JARID2: variants seen among roughly 807,000 people sequenced by gnomAD.
The protein encoded by JARID2 is jumonji and AT-rich interaction domain containing 2, also known as protein Jumonji.
Under a neutral mutation model 125.6 loss-of-function variants are expected in JARID2, and 21 were observed. The ratio of observed to expected loss-of-function variants is 0.17; its 90% CI spans 0.12 to 0.24. The LOEUF is 0.24. Among genes scored for constraint, JARID2 ranks in the 10% least tolerant of loss-of-function variants. The pLI, the probability that JARID2 is intolerant of heterozygous loss-of-function variation, is 1.00. For missense variants in JARID2, 1,303 were observed against 1,639.6 expected (o/e 0.79, Z 3.55); for synonymous variants, 736 against 661.6 (o/e 1.11, Z -1.73).
chr6:15,294,354 G>C (rs750074206), intron 1 of JARID2, among the ~76,000 whole-genome samples: 2 of 152,178 alleles, frequency 1.3e-5, no homozygotes, highest in Admixed American at 1.3e-4. Flanking sequence ...CAGCACACCC[G>C]GCTAATTTTT....
chr6:15,426,314 A>T (rs1303124172), intron 3 of JARID2, among the ~76,000 whole-genome samples: 1 of 152,186 alleles, frequency 6.6e-6, no homozygotes, highest in East Asian at 1.9e-4. Context: ...GATGGACTTC[A>T]CAAGCTGGCT....
intron 1 of JARID2, among the ~76,000 whole-genome samples, chr6:15,273,871 G>A (rs935866598): frequency 3.3e-5 from 5 of 151,692 alleles, no homozygotes; most frequent in Non-Finnish European, 7.4e-5. Flanking sequence ...ACTCACTGAA[G>A]AACATACTGC....
At chr6:15,502,957 A>C (rs1240575536) in intron 8 of JARID2, among the ~76,000 whole-genome samples, 1 of 152,258 alleles carries the variant, frequency 6.6e-6, no homozygotes, top group Non-Finnish European at 1.5e-5. Flanking sequence ...CTGTGACTGA[A>C]TAGCCAACTG....
chr6:15,364,303 A>G (rs1282698319), intron 1 of JARID2, among the ~76,000 whole-genome samples: 1 of 152,174 alleles, frequency 6.6e-6, no homozygotes, highest in African/African-American at 2.4e-5. Context: ...GAATCAAATC[A>G]AGCCTGTTTT....
At chr6:15,460,680 T>TTTGTTG (rs150851411) in intron 4 of JARID2, among the ~76,000 whole-genome samples, 11 of 150,982 alleles carry the variant, frequency 7.3e-5, no homozygotes, top group South Asian at 4.2e-4. Flanking sequence ...GAATGCTCAT[T>TTTGTTG]TTGTTGTTGT....
At chr6:15,256,222 A>G (rs1182818385) in intron 1 of JARID2, among the ~76,000 whole-genome samples, 1 of 152,210 alleles carries the variant, frequency 6.6e-6, no homozygotes, top group Non-Finnish European at 1.5e-5. Flanking sequence ...GAATCAAATG[A>G]ATTCTGCACT....
intron 3 of JARID2, among the ~76,000 whole-genome samples, chr6:15,414,959 C>A (rs553243598): frequency 2.0e-4 from 30 of 152,184 alleles, no homozygotes; most frequent in African/African-American, 6.0e-4. Context: ...GAGGACCCTG[C>A]GGCTTTCCGC....
At chr6:15,483,664 G>A (rs1449595683) in intron 5 of JARID2, among the ~76,000 whole-genome samples, 6 of 151,924 alleles carry the variant, frequency 3.9e-5, no homozygotes, top group Non-Finnish European at 7.4e-5. Context: ...TTGGATCTTC[G>A]GTGATTTCCC....
At chr6:15,470,698 T>TA (rs1489430474) in intron 5 of JARID2, among the ~76,000 whole-genome samples, 1 of 120,212 alleles carries the variant, frequency 8.3e-6, no homozygotes, top group Non-Finnish European at 1.7e-5. Flanking sequence ...AAAAGGTTGT[T>TA]ACCTGCAGCT....
chr6:15,333,934 A>G (rs1451638597), intron 1 of JARID2, among the ~76,000 whole-genome samples: 1 of 152,212 alleles, frequency 6.6e-6, no homozygotes, highest in Non-Finnish European at 1.5e-5. Flanking sequence ...GTTCTGGAGA[A>G]TAGAAGGGTG....
At chr6:15,475,026 G>A (rs1213036649) in intron 5 of JARID2, among the ~76,000 whole-genome samples, 4 of 152,180 alleles carry the variant, frequency 2.6e-5, no homozygotes, top group African/African-American at 2.4e-5. Flanking sequence ...ATCACCTAGA[G>A]CTTTGTTTTC....
intron 5 of JARID2, among the ~76,000 whole-genome samples, chr6:15,476,039 C>G (rs1769327248): frequency 6.6e-6 from 1 of 152,160 alleles, no homozygotes; most frequent in Non-Finnish European, 1.5e-5. Flanking sequence ...CAGATTTGTG[C>G]TTTTCCCTAT....
At chr6:15,481,701 G>A (rs993173180) in intron 5 of JARID2, among the ~76,000 whole-genome samples, 6 of 152,086 alleles carry the variant, frequency 3.9e-5, no homozygotes, top group African/African-American at 1.4e-4. Context: ...TGGGTATATC[G>A]CTGCTCTAAA....
At chr6:15,350,791 C>G (rs900269488) in intron 1 of JARID2, among the ~76,000 whole-genome samples, 3 of 139,696 alleles carry the variant, frequency 2.1e-5, no homozygotes, top group Non-Finnish European at 4.5e-5. Context: ...GCAGGCTGTA[C>G]ATTTGATTTT....
chr6:15,347,373 TTGA>T (rs1208903112), intron 1 of JARID2, among the ~76,000 whole-genome samples: 1 of 152,186 alleles, frequency 6.6e-6, no homozygotes, highest in Non-Finnish European at 1.5e-5. Context: ...GTGCACATGC[TTGA>T]TGATGAGAGA....
In JARID2 at chr6:15,282,072, G is replaced by A. The variant is rs1039747854; in HGVS notation, c.45+35488G>A. Among the ~76,000 whole-genome samples the A allele has an allele frequency of 1.4e-4, 22 of 151,752 alleles. 1 individual carries two copies. Among genetic ancestry groups the A allele is most frequent in the Admixed American group, 6.6e-4 (10 of 15,208 alleles). ...TCAGACCATTCTTGTGTGGTAGCTG[G>A]GACTACAGGTGTGCAGTGCACCATC... On this transcript the variant is annotated intron_variant, in intron 1 of 17. Transcript: ENST00000341776.
chr6:15,450,591 TTTG>T (rs1581581801), intron 3 of JARID2, among the ~76,000 whole-genome samples: 1 of 152,186 alleles, frequency 6.6e-6, no homozygotes. Context: ...CTTGGTTCTT[TTTG>T]TTGTTGTTTT....
chr6:15,467,713 G>T (rs58139574), intron 4 of JARID2, among the ~76,000 whole-genome samples: 11,548 of 152,148 alleles, frequency 0.076, 470 homozygotes, highest in East Asian at 0.094. Flanking sequence ...GTGCGCACCT[G>T]TAGCTCCAGC....
intron 2 of JARID2, among the ~76,000 whole-genome samples, chr6:15,409,825 C>A (rs1365170145): frequency 1.3e-5 from 2 of 152,130 alleles, no homozygotes; most frequent in Non-Finnish European, 2.9e-5. Context: ...GCAGGCAATT[C>A]CAGAAAGGAT....
Sources: gnomAD v4.1 joint callset for allele counts (sites outside exome capture counted in the v4.1 genomes callset) on GRCh38, gnomAD v4.1.1 for gene constraint, MANE v1.5 for transcripts, NCBI Gene and HGNC (gene_info 2026-07-23, HGNC 2026-07-21) for gene names.